Variants in CACNA2D3 observed in about 807,000 individuals in gnomAD.
The protein encoded by CACNA2D3 is voltage-dependent calcium channel subunit alpha-2/delta-3.
Under a neutral mutation model 160.6 loss-of-function variants are expected in CACNA2D3, and 60 were observed. The observed-to-expected ratio is 0.37, with a 90% confidence interval of 0.30 to 0.46. The LOEUF is 0.46. CACNA2D3 is among the 20% of genes least tolerant of loss of function. The pLI is 1.00. For missense variants in CACNA2D3, 1,205 were observed against 1,365.0 expected, an observed-to-expected ratio of 0.88 and a Z score of 1.85; for synonymous variants, 558 against 492.9, an observed-to-expected ratio of 1.13 and a Z score of -1.75.
At chr3:54,775,806 A>G (rs568731493) in intron 13 of CACNA2D3, among the ~76,000 whole-genome samples, 1 of 152,160 alleles carries the variant, frequency 6.6e-6, no homozygotes, top group Admixed American at 6.5e-5. Flanking sequence ...AAGAGAACCC[A>G]CTCAAGCTGT....
intron 10 of CACNA2D3, among the ~76,000 whole-genome samples, chr3:54,631,109 C>T (rs1488235630): frequency 6.6e-6 from 1 of 151,862 alleles, no homozygotes; most frequent in African/African-American, 2.4e-5. Context: ...GAGGCTGAGG[C>T]AGGAGAATCG....
intron 11 of CACNA2D3, among the ~76,000 whole-genome samples, chr3:54,696,651 A>T (rs1316964365): frequency 6.6e-6 from 1 of 152,118 alleles, no homozygotes; most frequent in Non-Finnish European, 1.5e-5. Flanking sequence ...CGGTGGCTGT[A>T]TGTGCACCTA....
intron 9 of CACNA2D3, among the ~76,000 whole-genome samples, chr3:54,616,597 G>T (rs1199861208): frequency 5.9e-5 from 9 of 152,204 alleles, no homozygotes; most frequent in Admixed American, 4.6e-4. Flanking sequence ...ATCATAGGAG[G>T]CCATTTTGGA....
At chr3:54,709,313 C>A (rs537121134) in intron 11 of CACNA2D3, among the ~76,000 whole-genome samples, 1 of 151,988 alleles carries the variant, frequency 6.6e-6, no homozygotes, top group Non-Finnish European at 1.5e-5. Context: ...CCGCACCCAG[C>A]CTTCATTTTT....
chr3:54,810,258 T>C (rs547873569), intron 13 of CACNA2D3, among the ~76,000 whole-genome samples: 5 of 152,086 alleles, frequency 3.3e-5, no homozygotes, highest in African/African-American at 1.2e-4. Context: ...AAAGGAAGGA[T>C]TGGATTGGAG....
intron 2 of CACNA2D3, among the ~76,000 whole-genome samples, chr3:54,303,028 C>T (rs553573208): frequency 1.8e-4 from 27 of 152,202 alleles, no homozygotes; most frequent in African/African-American, 4.8e-4. Context: ...TCATCCTTTC[C>T]GTTGTGGTAA....
chr3:54,356,339 A>C (rs1229340717), intron 3 of CACNA2D3, among the ~76,000 whole-genome samples: 3 of 152,178 alleles, frequency 2.0e-5, no homozygotes, highest in Non-Finnish European at 4.4e-5. Flanking sequence ...ATATGAACTA[A>C]AAACTGTCTT....
At chr3:54,298,877 C>T (rs72986091) in intron 2 of CACNA2D3, among the ~76,000 whole-genome samples, 5,509 of 137,170 alleles carry the variant, frequency 0.04, 361 homozygotes, top group African/African-American at 0.14. Flanking sequence ...TCCAGGATGT[C>T]GAGGCTGCAG....
At chr3:55,051,176 T>C (rs1047336385) in intron 35 of CACNA2D3, among the ~76,000 whole-genome samples, 24 of 152,160 alleles carry the variant, frequency 1.6e-4, no homozygotes, top group South Asian at 2.1e-4. Context: ...GGAGGAGAGG[T>C]GCTCTGCTTT....
intron 4 of CACNA2D3, among the ~76,000 whole-genome samples, chr3:54,470,353 A>G (rs1261316197): frequency 6.6e-6 from 1 of 152,254 alleles, no homozygotes; most frequent in Non-Finnish European, 1.5e-5. Flanking sequence ...TGAAGGAGAA[A>G]TAAAATCCTT....
intron 11 of CACNA2D3, among the ~76,000 whole-genome samples, chr3:54,662,744 G>C (rs921786693): frequency 6.6e-6 from 1 of 152,242 alleles, no homozygotes; most frequent in Non-Finnish European, 1.5e-5. Context: ...GGTGGAAAGT[G>C]TAAGTGTACT....
chr3:54,792,554 C>T (rs1406405870), intron 13 of CACNA2D3, among the ~76,000 whole-genome samples: 1 of 152,162 alleles, frequency 6.6e-6, no homozygotes, highest in African/African-American at 2.4e-5. Flanking sequence ...CTTGCCATCT[C>T]TTGGCTCTGT....
chr3:54,889,919 G>T (rs1483282629), intron 24 of CACNA2D3, among the ~76,000 whole-genome samples: 3 of 152,134 alleles, frequency 2.0e-5, no homozygotes, highest in African/African-American at 7.2e-5. Flanking sequence ...TTCCAAAATG[G>T]TAACTTGCTT....
chr3:54,733,248 C>T (rs1007161595), intron 11 of CACNA2D3, among the ~76,000 whole-genome samples: 6 of 152,182 alleles, frequency 3.9e-5, no homozygotes, highest in African/African-American at 4.8e-5. Context: ...TCCCCTTAAG[C>T]GGATTTTATT....
chr3:54,444,589 T>C (rs563391114), intron 4 of CACNA2D3, among the ~76,000 whole-genome samples: 1 of 152,322 alleles, frequency 6.6e-6, no homozygotes, highest in African/African-American at 2.4e-5. Context: ...CCTCCTGATC[T>C]GATAAAGAAA....
intron 27 of CACNA2D3, among the ~76,000 whole-genome samples, chr3:54,959,923 G>A (rs777201094): frequency 9.9e-5 from 15 of 152,070 alleles, no homozygotes; most frequent in Non-Finnish European, 1.9e-4. Context: ...TACCTCAAGG[G>A]TGAAAAGAAA....
intron 2 of CACNA2D3, among the ~76,000 whole-genome samples, chr3:54,167,206 A>G (rs769001578): frequency 5.3e-5 from 8 of 152,174 alleles, no homozygotes; most frequent in Non-Finnish European, 7.3e-5. Context: ...CCACTAGGTC[A>G]TAAGCTCACC....
chr3:54,345,867 T>C (rs951999751), intron 3 of CACNA2D3, among the ~76,000 whole-genome samples: 1 of 151,708 alleles, frequency 6.6e-6, no homozygotes, highest in African/African-American at 2.4e-5. Context: ...ATGTGTAGAA[T>C]CTGAATCAAA....
At chr3:54,829,196 C>T (rs1444802109) in intron 14 of CACNA2D3, among the ~76,000 whole-genome samples, 2 of 152,202 alleles carry the variant, frequency 1.3e-5, no homozygotes, top group African/African-American at 4.8e-5. Flanking sequence ...CCCTGCCCCA[C>T]GTTTCAGTGG....
Sources: gnomAD v4.1 joint callset for allele counts (sites outside exome capture counted in the v4.1 genomes callset) on GRCh38, gnomAD v4.1.1 for gene constraint, MANE v1.5 for transcripts, NCBI Gene and HGNC (gene_info 2026-07-23, HGNC 2026-07-21) for gene names.